SLC35G1: variants seen among roughly 807,000 people sequenced by gnomAD.
The protein encoded by SLC35G1 is solute carrier family 35 member G1.
A neutral mutation model predicts 17.1 loss-of-function variants in SLC35G1; 10 were observed. The observed-to-expected ratio is 0.59, with a 90% CI of 0.36 to 0.99. The LOEUF (loss-of-function observed/expected upper bound fraction) is 0.99. Ranked by LOEUF, SLC35G1 falls within the 50% of genes least tolerant of loss-of-function variation. The pLI is 0.01. For missense variants in SLC35G1, 433 were observed against 468.4 expected (o/e 0.92, Z 0.70); for synonymous variants, 185 against 181.1 (o/e 1.02, Z -0.18).
chr10:93,894,393 C>T (rs2134062583), intron 1 of SLC35G1, among the ~76,000 whole-genome samples, 182 bp downstream of exon 1: 1 of 152,240 alleles, frequency 6.6e-6, no homozygotes, highest in South Asian at 2.1e-4. Context: ...TCCCGGCGCC[C>T]CAGCCGGCGC....
In SLC35G1 at chr10:93,901,015, G is replaced by A. The variant is rs1323227131; in HGVS notation, c.623G>A (p.Gly208Asp). 4 of 1,614,032 alleles carry A rather than the reference G, an allele frequency of 2.5e-6. No individual in the cohort carries two copies. The highest frequency in any genetic ancestry group is 3.3e-5 in the Admixed American group (2 of 59,998). ...ATCGTGAGACCACCATTTTTGTTTGGTTCCGACACTTCGGGGATGGAAGAA... is the reference window on the plus strand; with the variant it reads ...ATCGTGAGACCACCATTTTTGTTTGATTCCGACACTTCGGGGATGGAAGAA... ...ILIVRPPFLF[G>D]SDTSGMEESY... is the part of the protein sequence containing the mutation. Residue 208 changes from glycine (G) to aspartate (D), a missense_variant, in exon 3 of 3, where the codon GGT (glycine) becomes GAT (aspartate). Coordinates refer to ENST00000427197, the MANE Select transcript of SLC35G1 (RefSeq NM_001134658.3).
intron 1 of SLC35G1, among the ~76,000 whole-genome samples, chr10:93,897,652 T>G (rs1394261096): frequency 6.6e-6 from 1 of 152,234 alleles, no homozygotes; most frequent in Non-Finnish European, 1.5e-5. Context: ...TCTACTCCTG[T>G]GTAGGAAACT....
intron 1 of SLC35G1, among the ~76,000 whole-genome samples, chr10:93,894,571 G>T (rs1234571439): frequency 1.3e-5 from 2 of 152,080 alleles, no homozygotes; most frequent in East Asian, 1.9e-4. Flanking sequence ...GTGGGGCGAC[G>T]TTGCGAGGAA....
exon 3 of SLC35G1, chr10:93,908,868 A>G (rs1328699435): frequency 1.3e-5 from 2 of 152,220 alleles, no homozygotes; most frequent in Non-Finnish European, 2.9e-5. Flanking sequence ...AATATACAGA[A>G]GTGAACCCTG....
chr10:93,895,434 GT>G (rs1286663863), intron 1 of SLC35G1, among the ~76,000 whole-genome samples: 2 of 152,168 alleles, frequency 1.3e-5, no homozygotes, highest in African/African-American at 4.8e-5. Flanking sequence ...TGTCCTTCTG[GT>G]GGCATGCCGA....
chr10:93,907,258 G>A (rs765604519), downstream of SLC35G1: 2 of 152,012 alleles, frequency 1.3e-5, no homozygotes, highest in African/African-American at 4.8e-5. Flanking sequence ...CACACTTCCT[G>A]TTTATGTGCT....
rs1244558613 is a variant in SLC35G1, at chr10:93,903,694, A to T, written c.*2204A>T. The stretch of plus-strand genomic sequence containing the variant: ...TTCTTAAACACAATGTCCAAGGTGT[A>T]TACAAGGATATGTATTGTAACAACT... On this transcript the variant is annotated 3_prime_UTR_variant, in exon 3 of 3. Coordinates refer to ENST00000427197, the MANE Select transcript of SLC35G1 (RefSeq NM_001134658.3). The T allele has an allele frequency of 6.6e-6, 1 of 152,358 alleles. No individual in the cohort carries two copies. The highest frequency in any genetic ancestry group is 1.5e-5 in the Non-Finnish European group (1 of 68,028). The allele number at this position is 152,358 out of a possible 1,614,324, so 9.4% of individuals were successfully genotyped here.
chr10:93,894,347 C>G (rs1038410832), intron 1 of SLC35G1, 136 bp downstream of exon 1: 7 of 875,606 alleles, frequency 8.0e-6, no homozygotes, highest in African/African-American at 5.3e-5. Context: ...TCGGGAAACC[C>G]CTCGAGCTGT....
Position 93,895,141 on chromosome 10 carries a change from G to A in SLC35G1, c.178+930G>A, listed in dbSNP as rs191632048. ...ACAGTTACACGGCCTGCACCACCTT[G>A]TCCTCTGGGTCACCTCCCCTAAGTG... On this transcript the variant is annotated intron_variant, in intron 1 of 2. Transcript: ENST00000427197. Among the ~76,000 whole-genome samples, 323 of 152,274 alleles carry A rather than the reference G, an allele frequency of 2.1e-3. 2 individuals carry two copies. Among genetic ancestry groups the A allele is most frequent in the African/African-American group, 7.5e-3 (312 of 41,554 alleles).
chr10:93,894,212 G>GT lies in SLC35G1; in HGVS notation c.178+2dup. The GT allele has an allele frequency of 7.2e-7, 1 of 1,383,562 alleles. No individual in the cohort carries two copies. The highest frequency in any genetic ancestry group is 3.1e-5 in the East Asian group (1 of 32,514). 85.7% of individuals were successfully genotyped at this position (1,383,562 alleles called of 1,614,324 possible). ...CCGTGTTGCTCCCGCACCGAGCCGG[G>GT]TGAGTGCGCGGTGTGGATCGGGCTC... On this transcript the variant is annotated splice_donor_variant, in intron 1 of 2. Transcript: ENST00000427197. LOFTEE classifies it high-confidence loss of function.
At position 93,901,900 on chromosome 10, in the gene SLC35G1, A is replaced by G. The variant is rs916698361; in HGVS notation, c.*410A>G. 6.4e-6 allele frequency: 1 copy of G among 157,254 alleles called. No individual in the cohort carries two copies. The allele number at this position is 157,254 out of a possible 1,614,324, so 9.7% of individuals were successfully genotyped here. A position where few individuals can be genotyped will look rare whatever the true frequency, so the allele number is the denominator to read the frequency against. ...GCCTAAGAAACTTGGTTCTACTACCATGATCTTTATAAACTATGCCTTCCA... is the reference window on the plus strand; with the variant it reads ...GCCTAAGAAACTTGGTTCTACTACCGTGATCTTTATAAACTATGCCTTCCA... On this transcript the variant is annotated 3_prime_UTR_variant, in exon 3 of 3. Transcript: ENST00000427197.
At chr10:93,894,300 G>C (rs2060308349) in intron 1 of SLC35G1, 89 bp downstream of exon 1, 1 of 1,220,338 alleles carries the variant, frequency 8.2e-7, no homozygotes. Context: ...CCCGGGCACA[G>C]TGCCCGCCGC....
At chr10:93,906,536 T>C (rs1018231779), downstream of SLC35G1, among the ~76,000 whole-genome samples, 9 of 152,250 alleles carry the variant, frequency 5.9e-5, no homozygotes, top group East Asian at 9.6e-4. Flanking sequence ...ATTACTGTTT[T>C]AAGCCACTAA....
At chr10:93,904,767 G>A (rs1477471647), downstream of SLC35G1, among the ~76,000 whole-genome samples, 1 of 152,198 alleles carries the variant, frequency 6.6e-6, no homozygotes, top group Non-Finnish European at 1.5e-5. Context: ...GCAAATGAGT[G>A]CCATAGAAGG....
downstream of SLC35G1, among the ~76,000 whole-genome samples, chr10:93,904,738 CA>C (rs1455285181): frequency 6.6e-6 from 1 of 152,200 alleles, no homozygotes; most frequent in African/African-American, 2.4e-5. Flanking sequence ...CTGTTTTCCT[CA>C]CTTGCCCAGT....
chr10:93,908,148 C>T (rs2060439342), downstream of SLC35G1: 2 of 152,284 alleles, frequency 1.3e-5, no homozygotes, highest in African/African-American at 2.4e-5. Context: ...CGTTGTGTGG[C>T]CCTGATTCAG....
chr10:93,901,102 C>T lies in SLC35G1; in HGVS notation c.710C>T (p.Ser237Leu), dbSNP rs770140554. 1.1e-5 allele frequency: 17 copies of T among 1,613,958 alleles called. No homozygotes were observed. The highest frequency in any genetic ancestry group is 6.7e-5 in the Admixed American group (4 of 60,002). Residue 237 changes from serine to leucine, a missense_variant, in exon 3 of 3, where the codon TCG becomes TTG. Coordinates refer to ENST00000427197, the MANE Select transcript of SLC35G1 (RefSeq NM_001134658.3). ...ATTGGAAGTGCCGTATTTGCTGCAT[C>T]GACTCTAGTTATCCTAAGAAAAATG... ...AAIGSAVFAA[S>L]TLVILRKMGK...
chr10:93,901,026 T>C lies in SLC35G1; in HGVS notation c.634T>C (p.Ser212Pro), dbSNP rs1246767301. 2 of 1,614,072 alleles carry C rather than the reference T, an allele frequency of 1.2e-6. No individual in the cohort carries two copies. The highest frequency in any genetic ancestry group is 4.5e-5 in the East Asian group (2 of 44,882). Residue 212 changes from serine to proline, a missense_variant, in exon 3 of 3, where the codon TCG becomes CCG. Ser to Pro is a moderately conservative substitution (Grantham distance 74). Coordinates refer to ENST00000427197, the MANE Select transcript of SLC35G1 (RefSeq NM_001134658.3). Reference protein sequence around the residue: ...RPPFLFGSDTSGMEESYSGHL... With the variant: ...RPPFLFGSDTPGMEESYSGHL... ...ACCATTTTTGTTTGGTTCCGACACT[T>C]CGGGGATGGAAGAAAGCTATTCAGG...
At chr10:93,904,739 A>G (rs2060417598), downstream of SLC35G1, among the ~76,000 whole-genome samples, 6 of 152,164 alleles carry the variant, frequency 3.9e-5, no homozygotes, top group Admixed American at 3.9e-4. Flanking sequence ...TGTTTTCCTC[A>G]CTTGCCCAGT....
Sources: gnomAD v4.1 joint callset for allele counts (sites outside exome capture counted in the v4.1 genomes callset) on GRCh38, gnomAD v4.1.1 for gene constraint, MANE v1.5 for transcripts, NCBI Gene and HGNC (gene_info 2026-07-23, HGNC 2026-07-21) for gene names.